The following NXPE4 variants were observed in gnomAD, a reference collection of about 807,000 sequenced individuals.
The protein encoded by NXPE4 is NXPE family member 4.
A neutral mutation model predicts 33.3 loss-of-function variants in NXPE4; 42 were observed. The ratio of observed to expected loss-of-function variants is 1.26; its 90% CI spans 0.98 to 1.63. NXPE4 has a LOEUF of 1.63. Among genes scored for constraint, NXPE4 ranks in the 40% most tolerant of loss-of-function variants. The pLI is 0.00. For synonymous variants in NXPE4, 253 were observed against 234.9 expected (o/e 1.08, Z -0.71); for missense variants, 709 against 647.6 (o/e 1.09, Z -1.03).
Position 114,580,299 on chromosome 11 carries a change from A to T in NXPE4, c.932T>A (p.Met311Lys), listed in dbSNP as rs766636276. 2 of 1,613,996 alleles carry T rather than the reference A, an allele frequency of 1.2e-6. No homozygotes were observed. The highest frequency in any genetic ancestry group is 1.7e-5 in the Admixed American group (1 of 60,008). The stretch of plus-strand genomic sequence containing the variant: ...ATGCCCACTGGGGATTGTGGATGTC[A>T]TTCCAAACTTGCATTTCTCTTTCAT... ...VAMKEKCKFGMTSTIPSGHVW... is the reference protein window; with the variant it reads ...VAMKEKCKFGKTSTIPSGHVW... The change falls in exon 5 of 6, where the codon ATG becomes AAG. Residue 311 changes from methionine to lysine, a missense_variant. Coordinates refer to ENST00000375478, the MANE Select transcript of NXPE4 (RefSeq NM_001077639.2).
intron 2 of NXPE4, among the ~76,000 whole-genome samples, chr11:114,594,375 T>G (rs994388292): frequency 5.3e-5 from 8 of 152,208 alleles, no homozygotes; most frequent in South Asian, 2.1e-4. Flanking sequence ...ATAGATATTC[T>G]GTTCTTCAGA....
intron 5 of NXPE4, among the ~76,000 whole-genome samples, chr11:114,579,788 A>C (rs1484628829): frequency 6.6e-6 from 1 of 152,224 alleles, no homozygotes; most frequent in Non-Finnish European, 1.5e-5. Context: ...CTGGTTCTAG[A>C]ATCATACCCT....
the NXPE4 span, among the ~76,000 whole-genome samples, chr11:114,619,902 G>A: frequency 6.6e-6 from 1 of 151,970 alleles, no homozygotes; most frequent in African/African-American, 2.4e-5. Context: ...TTATCCTGTG[G>A]AAAATAAGTG....
upstream of NXPE4, among the ~76,000 whole-genome samples, chr11:114,596,381 GC>G (rs1206551294): frequency 6.6e-6 from 1 of 152,178 alleles, no homozygotes; most frequent in East Asian, 1.9e-4. Context: ...GTAGCTGCTG[GC>G]CCTGTGGCTC....
At chr11:114,610,162 T>A in the NXPE4 span, among the ~76,000 whole-genome samples, 2 of 151,872 alleles carry the variant, frequency 1.3e-5, no homozygotes, top group Non-Finnish European at 2.9e-5. Context: ...AGCTAACCAC[T>A]GTTACCTGGT....
the NXPE4 span, among the ~76,000 whole-genome samples, chr11:114,633,283 A>G: frequency 7.2e-6 from 1 of 138,774 alleles, no homozygotes; most frequent in East Asian, 2.0e-4. Context: ...ATTATGTTAT[A>G]TTATAAAATT....
At chr11:114,627,076 C>G in the NXPE4 span, among the ~76,000 whole-genome samples, 3 of 152,018 alleles carry the variant, frequency 2.0e-5, no homozygotes, top group Non-Finnish European at 4.4e-5. Flanking sequence ...GTGAATGGAA[C>G]CAAGTTGGAA....
chr11:114,609,850 A>G, the NXPE4 span, among the ~76,000 whole-genome samples: 1 of 150,242 alleles, frequency 6.7e-6, no homozygotes, highest in African/African-American at 2.5e-5. Flanking sequence ...GATAATAACT[A>G]TTGCCTCGCG....
At position 114,571,458 on chromosome 11, in the gene NXPE4, T is replaced by G. The variant is rs779497222; in HGVS notation, c.1115A>C (p.Asp372Ala). ...KASINTLKSV[D>A]LHESGKLQHQ... ...TTGCAATTTTCCAGATTCATGCAGATCCACTGACTTCAGTGCTGATAACAA... is the reference window on the plus strand; with the variant it reads ...TTGCAATTTTCCAGATTCATGCAGAGCCACTGACTTCAGTGCTGATAACAA... Residue 372 changes from aspartate (D) to alanine (A), a missense_variant, in exon 6 of 6, where the codon GAT becomes GCT. By Grantham distance (126) the Asp-to-Ala change is moderately radical. Transcript: ENST00000375478. The G allele has an allele frequency of 1.9e-6, 3 of 1,606,846 alleles. No homozygotes were observed. Among genetic ancestry groups the G allele is most frequent in the Admixed American group, 1.7e-5 (1 of 59,818 alleles).
the NXPE4 span, among the ~76,000 whole-genome samples, chr11:114,628,241 C>T: frequency 5.8e-4 from 86 of 147,482 alleles, 2 homozygotes; most frequent in African/African-American, 2.1e-3. Context: ...CATACCACAC[C>T]TATTCCAAAA....
At chr11:114,637,773 A>T in the NXPE4 span, among the ~76,000 whole-genome samples, 11 of 151,980 alleles carry the variant, frequency 7.2e-5, 1 homozygote, top group African/African-American at 2.7e-4. Flanking sequence ...CTTCTCTTTA[A>T]GAATGTTGAA....
chr11:114,605,568 G>T, the NXPE4 span, among the ~76,000 whole-genome samples: 1 of 151,096 alleles, frequency 6.6e-6, no homozygotes, highest in African/African-American at 2.4e-5. Context: ...ACTGTTACCC[G>T]GTGGATAATA....
chr11:114,611,432 A>ATCAC, the NXPE4 span, among the ~76,000 whole-genome samples: 1 of 151,668 alleles, frequency 6.6e-6, no homozygotes, highest in African/African-American at 2.4e-5. Context: ...CTCTAGGGTA[A>ATCAC]TCACTGTTAC....
the NXPE4 span, among the ~76,000 whole-genome samples, chr11:114,610,847 T>G: frequency 1.3e-5 from 2 of 151,654 alleles, no homozygotes; most frequent in East Asian, 3.9e-4. Context: ...GTATTGCCTC[T>G]AGGGTAACCA....
chr11:114,608,012 C>A, the NXPE4 span, among the ~76,000 whole-genome samples: 1 of 149,646 alleles, frequency 6.7e-6, no homozygotes, highest in Non-Finnish European at 1.5e-5. Flanking sequence ...TAAATGTTGC[C>A]TCAGGGAAAC....
the NXPE4 span, among the ~76,000 whole-genome samples, chr11:114,647,113 A>G: frequency 1.3e-5 from 2 of 152,218 alleles, no homozygotes; most frequent in East Asian, 1.9e-4. Context: ...ATGAGCCCTC[A>G]TAAGTTGAAA....
chr11:114,623,533 C>G, the NXPE4 span, among the ~76,000 whole-genome samples: 1 of 152,072 alleles, frequency 6.6e-6, no homozygotes, highest in Non-Finnish European at 1.5e-5. Flanking sequence ...TGGATAAACA[C>G]TGTTACCTGG....
the NXPE4 span, among the ~76,000 whole-genome samples, chr11:114,650,305 G>A: frequency 2.0e-5 from 3 of 152,218 alleles, no homozygotes; most frequent in Admixed American, 6.5e-5. Flanking sequence ...AACGCCAAAT[G>A]TGAGCTAGTG....
chr11:114,652,090 A>T, the NXPE4 span, among the ~76,000 whole-genome samples: 8 of 151,962 alleles, frequency 5.3e-5, no homozygotes, highest in East Asian at 1.9e-4. Flanking sequence ...CAATACTTAA[A>T]TTTTTTTTTA....
Sources: gnomAD v4.1 joint callset for allele counts (sites outside exome capture counted in the v4.1 genomes callset) on GRCh38, gnomAD v4.1.1 for gene constraint, MANE v1.5 for transcripts, NCBI Gene and HGNC (gene_info 2026-07-23, HGNC 2026-07-21) for gene names.